Variants in GRK5 observed in about 807,000 individuals in gnomAD.
The protein encoded by GRK5 is g protein-coupled receptor kinase GRK5.
A neutral mutation model predicts 78.4 loss-of-function variants in GRK5; 40 were observed. The observed-to-expected ratio is 0.51, with a 90% CI of 0.40 to 0.66. GRK5 has a LOEUF of 0.66. Ranked by LOEUF, GRK5 falls within the 30% of genes least tolerant of loss-of-function variation. GRK5 has a pLI of 0.00. For synonymous variants in GRK5, 289 were observed against 296.8 expected (o/e 0.97, Z 0.27); for missense variants, 598 against 759.9 (o/e 0.79, Z 2.50).
intron 8 of GRK5, among the ~76,000 whole-genome samples, chr10:119,435,620 A>G (rs961488630): frequency 1.3e-5 from 2 of 152,354 alleles, no homozygotes; most frequent in Non-Finnish European, 1.5e-5. Context: ...TATCACTTTC[A>G]GCATTTTGGG....
At chr10:119,333,091 G>C (rs1296061773) in intron 2 of GRK5, 1 of 152,362 alleles carries the variant, frequency 6.6e-6, no homozygotes, top group Non-Finnish European at 1.5e-5. Flanking sequence ...GCACATAATA[G>C]GGGTTCATTA....
At chr10:119,359,869 C>T (rs930752227) in intron 2 of GRK5, among the ~76,000 whole-genome samples, 24 of 152,000 alleles carry the variant, frequency 1.6e-4, no homozygotes, top group African/African-American at 5.3e-4. Flanking sequence ...ATGCAGAGTC[C>T]GGGGCAAATT....
chr10:119,249,381 T>C (rs1231466872), intron 1 of GRK5, among the ~76,000 whole-genome samples: 6 of 152,252 alleles, frequency 3.9e-5, no homozygotes, highest in Admixed American at 3.9e-4. Flanking sequence ...ATACCTACTT[T>C]GTAGGCTTAT....
chr10:119,392,592 C>T (rs1377705664), intron 3 of GRK5, among the ~76,000 whole-genome samples: 4 of 152,184 alleles, frequency 2.6e-5, no homozygotes, highest in Non-Finnish European at 4.4e-5. Context: ...TTAGTGGAGA[C>T]GGGGTTTCAC....
chr10:119,396,536 C>T (rs549583222), intron 3 of GRK5, among the ~76,000 whole-genome samples, 159 bp from the exon 4 acceptor site: 12 of 152,218 alleles, frequency 7.9e-5, no homozygotes, highest in Non-Finnish European at 1.8e-4. Context: ...AACATCGGGG[C>T]TCCGTGGCCA....
chr10:119,291,214 T>C (rs1849948538), intron 1 of GRK5, among the ~76,000 whole-genome samples: 1 of 152,190 alleles, frequency 6.6e-6, no homozygotes. Flanking sequence ...TGATCCCTTC[T>C]ACTTTCTGAA....
intron 1 of GRK5, among the ~76,000 whole-genome samples, chr10:119,261,672 G>A (rs959436998): frequency 4.6e-5 from 7 of 152,190 alleles, no homozygotes; most frequent in East Asian, 1.9e-4. Context: ...CGAGGCTGGC[G>A]GATCACTCGC....
Position 119,396,621 on chromosome 10 carries a change from G to T in GRK5, c.262-74G>T, listed in dbSNP as rs560496439. ...TGGCCTCTAGGGGATTTCCTCCAGG[G>T]GCTGTGAGGTTCTGTAACTATAAGA... On this transcript the variant is annotated intron_variant, in intron 3 of 15. Transcript: ENST00000392870. 67 of 1,255,442 alleles carry T rather than the reference G, an allele frequency of 5.3e-5. No individual in the cohort carries two copies. In the African/African-American group the frequency reaches 9.0e-4, roughly 17 times the overall value. 77.8% of individuals were successfully genotyped at this position (1,255,442 alleles called of 1,614,324 possible). A position where few individuals can be genotyped will look rare whatever the true frequency, so the allele number is the denominator to read the frequency against.
intron 1 of GRK5, among the ~76,000 whole-genome samples, chr10:119,260,391 T>A (rs1487334772): frequency 3.4e-5 from 5 of 147,628 alleles, no homozygotes; most frequent in African/African-American, 4.9e-5. Flanking sequence ...TTTTTTTTTT[T>A]AATTCACAGA....
chr10:119,279,357 C>T (rs974671513), intron 1 of GRK5, among the ~76,000 whole-genome samples: 1 of 152,160 alleles, frequency 6.6e-6, no homozygotes, highest in Non-Finnish European at 1.5e-5. Flanking sequence ...GCATACAATT[C>T]TGCTTATCAC....
chr10:119,350,559 G>A lies in GRK5; in HGVS notation c.148+23948G>A, dbSNP rs117928917. Among the ~76,000 whole-genome samples the A allele has an allele frequency of 2.5e-4, 38 of 152,282 alleles. 1 individual carries two copies. The East Asian group carries it at 6.9e-3, about 28-fold the overall frequency. On this transcript the variant is annotated intron_variant, in intron 2 of 15. Transcript: ENST00000392870. Reference sequence around the variant, plus strand: ...CACCACCTCTTGCTTTGCGTTTCCCGATGGAAACATTTCACAAGAATCTTT... The same window carrying A: ...CACCACCTCTTGCTTTGCGTTTCCCAATGGAAACATTTCACAAGAATCTTT...
At chr10:119,446,279 C>T (rs570246469) in intron 12 of GRK5, among the ~76,000 whole-genome samples, 21 of 152,316 alleles carry the variant, frequency 1.4e-4, no homozygotes, top group African/African-American at 4.6e-4. Context: ...AGCATATAGG[C>T]GGGTGTTCAA....
chr10:119,448,092 G>C (rs985342475), intron 12 of GRK5, 31 bp from the exon 13 acceptor site: 1 of 1,516,332 alleles, frequency 6.6e-7, no homozygotes, highest in Non-Finnish European at 8.8e-7. Flanking sequence ...GAGGCCCAGG[G>C]GACGTGGCTT....
chr10:119,371,569 T>C (rs1286579903), intron 2 of GRK5, among the ~76,000 whole-genome samples: 1 of 152,184 alleles, frequency 6.6e-6, no homozygotes, highest in Non-Finnish European at 1.5e-5. Flanking sequence ...GTGGGACACA[T>C]GTGGCCTGCT....
At chr10:119,230,655 C>T (rs935801362) in intron 1 of GRK5, among the ~76,000 whole-genome samples, 1 of 151,804 alleles carries the variant, frequency 6.6e-6, no homozygotes, top group African/African-American at 2.4e-5. Context: ...CACAGCCAAA[C>T]CGTATCACCC....
At chr10:119,236,162 G>T (rs992823189) in intron 1 of GRK5, among the ~76,000 whole-genome samples, 13 of 152,160 alleles carry the variant, frequency 8.5e-5, no homozygotes, top group South Asian at 6.2e-4. Context: ...GATCACCTGA[G>T]GTCAGGAGTT....
chr10:119,227,969 G>A (rs1848767480), intron 1 of GRK5, among the ~76,000 whole-genome samples: 1 of 152,054 alleles, frequency 6.6e-6, no homozygotes. Flanking sequence ...TTTATCTTAA[G>A]GAAAAATTAG....
intron 3 of GRK5, among the ~76,000 whole-genome samples, chr10:119,391,340 C>G (rs562892385): frequency 9.2e-5 from 14 of 152,320 alleles, no homozygotes; most frequent in African/African-American, 3.4e-4. Context: ...GCTCGCCATT[C>G]TCACTGGGGA....
intron 1 of GRK5, among the ~76,000 whole-genome samples, chr10:119,324,460 C>T (rs1033100947): frequency 6.6e-6 from 1 of 152,196 alleles, no homozygotes; most frequent in Non-Finnish European, 1.5e-5. Context: ...AACCCTGTCT[C>T]TACTGAAAAT....
Sources: gnomAD v4.1 joint callset for allele counts (sites outside exome capture counted in the v4.1 genomes callset) on GRCh38, gnomAD v4.1.1 for gene constraint, MANE v1.5 for transcripts, NCBI Gene and HGNC (gene_info 2026-07-23, HGNC 2026-07-21) for gene names.